The following CREB5 variants were observed in gnomAD, a reference collection of about 807,000 sequenced individuals.
CREB5 encodes the protein cyclic AMP-responsive element-binding protein 5.
In CREB5, 19 loss-of-function variants were observed where a neutral mutation model predicts 57.1. The observed-to-expected ratio is 0.33, with a 90% CI of 0.23 to 0.49. The LOEUF is 0.49. Among genes scored for constraint, CREB5 ranks in the 20% least tolerant of loss-of-function variants. The pLI, the probability that CREB5 is intolerant of heterozygous loss-of-function variation, is 0.99. For synonymous variants in CREB5, 238 were observed against 238.3 expected, an observed-to-expected ratio of 1.00 and a Z score of 0.01; for missense variants, 579 against 671.6, an observed-to-expected ratio of 0.86 and a Z score of 1.52.
intron 5 of CREB5, among the ~76,000 whole-genome samples, chr7:28,624,470 G>A (rs1397963767): frequency 6.6e-6 from 1 of 152,078 alleles, no homozygotes; most frequent in Admixed American, 6.5e-5. Context: ...AAGTTTGTTT[G>A]CAATTTAAAA....
chr7:28,329,259 T>A (rs970386573), intron 1 of CREB5, among the ~76,000 whole-genome samples: 3 of 152,172 alleles, frequency 2.0e-5, no homozygotes, highest in African/African-American at 7.2e-5. Context: ...TCACTGGGGT[T>A]CCCTTTTTTG....
chr7:28,507,506 G>A (rs1792527591), intron 3 of CREB5, 110 bp from the exon 4 acceptor site: 12 of 1,296,634 alleles, frequency 9.3e-6, no homozygotes, highest in Non-Finnish European at 1.3e-5. Flanking sequence ...TGGATGGCTA[G>A]TGGACATTTT....
chr7:28,771,267 G>A (rs1431307350), intron 7 of CREB5, among the ~76,000 whole-genome samples: 2 of 152,138 alleles, frequency 1.3e-5, no homozygotes, highest in Non-Finnish European at 2.9e-5. Context: ...TCCATCTTTA[G>A]GGGAGAGATA....
chr7:28,590,324 T>C (rs368328542), intron 5 of CREB5, among the ~76,000 whole-genome samples: 5 of 151,884 alleles, frequency 3.3e-5, no homozygotes, highest in African/African-American at 1.2e-4. Context: ...GTGGCACATA[T>C]ACACCATGGA....
At chr7:28,484,526 A>AC (rs1474636559) in intron 1 of CREB5, among the ~76,000 whole-genome samples, 1 of 152,222 alleles carries the variant, frequency 6.6e-6, no homozygotes, top group Non-Finnish European at 1.5e-5. Flanking sequence ...TCACACACTT[A>AC]CAAATACACA....
intron 5 of CREB5, among the ~76,000 whole-genome samples, chr7:28,674,723 A>T (rs917631624): frequency 6.6e-6 from 1 of 152,252 alleles, no homozygotes; most frequent in Non-Finnish European, 1.5e-5. Flanking sequence ...CTACTCATCC[A>T]GACTATTGCA....
intron 1 of CREB5, among the ~76,000 whole-genome samples, chr7:28,466,210 TAAAAAAAAAAAAA>T (rs5883134): frequency 2.1e-5 from 2 of 94,746 alleles, no homozygotes; most frequent in African/African-American, 8.0e-5. Context: ...TGACTGGAGT[TAAAAAAAAAAAAA>T]AAAAAAAAAA....
At chr7:28,634,341 C>T (rs1485452594) in intron 5 of CREB5, among the ~76,000 whole-genome samples, 1 of 152,174 alleles carries the variant, frequency 6.6e-6, no homozygotes, top group African/African-American at 2.4e-5. Flanking sequence ...TTAAATTGAA[C>T]TGATATTTTT....
intron 9 of CREB5, among the ~76,000 whole-genome samples, chr7:28,813,454 G>T (rs1288562926): frequency 1.3e-5 from 2 of 152,156 alleles, no homozygotes; most frequent in Non-Finnish European, 2.9e-5. Flanking sequence ...CATGAGCCCA[G>T]GTCTGGGACT....
chr7:28,825,021 A>T lies in CREB5; in HGVS notation c.*5742A>T, dbSNP rs1169875833. The T allele has an allele frequency of 6.6e-6, 1 of 152,664 alleles. No individual in the cohort carries two copies. Among genetic ancestry groups the T allele is most frequent in the Non-Finnish European group, 1.5e-5 (1 of 68,042 alleles). The allele number at this position is 152,664 out of a possible 1,614,324, so 9.5% of individuals were successfully genotyped here. A position where few individuals can be genotyped will look rare whatever the true frequency, so the allele number is the denominator to read the frequency against. Reference sequence around the variant, plus strand: ...GCTTCATATTATAGAACTTTATAGGATTGGATATTTTACAATAGAATAATT... The same window carrying T: ...GCTTCATATTATAGAACTTTATAGGTTTGGATATTTTACAATAGAATAATT... On this transcript the variant is annotated 3_prime_UTR_variant, in exon 11 of 11. Coordinates refer to ENST00000357727, the MANE Select transcript of CREB5 (RefSeq NM_182898.4).
At chr7:28,603,945 G>A (rs1797021454) in intron 5 of CREB5, among the ~76,000 whole-genome samples, 1 of 152,162 alleles carries the variant, frequency 6.6e-6, no homozygotes, top group Non-Finnish European at 1.5e-5. Context: ...TAAGGGCAGT[G>A]CTTATGTAAG....
chr7:28,319,901 G>GTT (rs56390342), intron 1 of CREB5, among the ~76,000 whole-genome samples: 11 of 150,656 alleles, frequency 7.3e-5, no homozygotes, highest in African/African-American at 2.4e-5. Context: ...TACAAATAGT[G>GTT]TTTTTTTTTC....
At chr7:28,798,314 C>T (rs1808165657) in intron 7 of CREB5, among the ~76,000 whole-genome samples, 2 of 132,846 alleles carry the variant, frequency 1.5e-5, no homozygotes, top group Non-Finnish European at 3.1e-5. Context: ...CACAGTTCCA[C>T]AAATGTTTCT....
At chr7:28,815,355 G>A (rs775742880) in intron 9 of CREB5, among the ~76,000 whole-genome samples, 8 of 152,092 alleles carry the variant, frequency 5.3e-5, no homozygotes, top group Admixed American at 1.3e-4. Context: ...ATATTCTCAG[G>A]GTTCTGCATT....
chr7:28,562,817 C>T (rs539101021), intron 4 of CREB5, among the ~76,000 whole-genome samples: 1 of 152,196 alleles, frequency 6.6e-6, no homozygotes, highest in Non-Finnish European at 1.5e-5. Context: ...ATTTCTCAGA[C>T]CACATACCAA....
At chr7:28,680,301 C>A (rs985150904) in intron 5 of CREB5, among the ~76,000 whole-genome samples, 2 of 152,172 alleles carry the variant, frequency 1.3e-5, no homozygotes, top group Non-Finnish European at 2.9e-5. Flanking sequence ...TGGACATCAT[C>A]AGTTGGGTTG....
At chr7:28,336,067 T>C (rs1469548900) in intron 1 of CREB5, among the ~76,000 whole-genome samples, 1 of 152,118 alleles carries the variant, frequency 6.6e-6, no homozygotes, top group Non-Finnish European at 1.5e-5. Flanking sequence ...TGATGAATGA[T>C]CTTTTTAATA....
At chr7:28,351,769 GA>G (rs60469794) in intron 1 of CREB5, among the ~76,000 whole-genome samples, 4,771 of 150,192 alleles carry the variant, frequency 0.032, 115 homozygotes, top group Admixed American at 0.059. Context: ...TTATGGTTTA[GA>G]AAAAAAAAAT....
chr7:28,326,879 A>G (rs1326547243), intron 1 of CREB5, among the ~76,000 whole-genome samples: 1 of 152,214 alleles, frequency 6.6e-6, no homozygotes, highest in Admixed American at 6.5e-5. Flanking sequence ...GCGGTGGCTC[A>G]TGCCTGTAAT....
Sources: allele counts gnomAD v4.1 joint callset (sites outside exome capture counted in the v4.1 genomes callset), GRCh38; gene constraint gnomAD v4.1.1; transcripts MANE v1.5; gene names NCBI Gene and HGNC (gene_info 2026-07-23, HGNC 2026-07-21).